The following DACH2 variants were observed in gnomAD, a reference collection of about 807,000 sequenced individuals.
DACH2 encodes the protein dachshund homolog 2.
A neutral mutation model predicts 35.8 loss-of-function variants in DACH2; 17 were observed. The observed-to-expected ratio is 0.48, with a 90% CI of 0.33 to 0.71. The LOEUF (loss-of-function observed/expected upper bound fraction) is 0.71, where lower values mean the gene tolerates loss of function less well. DACH2 is among the 30% of genes least tolerant of loss of function. DACH2 has a pLI of 0.02. For missense variants in DACH2, 469 were observed against 472.7 expected, an observed-to-expected ratio of 0.99 and a Z score of 0.07; for synonymous variants, 195 against 177.3, an observed-to-expected ratio of 1.10 and a Z score of -0.79.
intron 1 of DACH2, among the ~76,000 whole-genome samples, chrX:86,221,303 T>A (rs2032705449): frequency 8.9e-6 from 1 of 112,023 alleles, no homozygotes; most frequent in Admixed American, 9.5e-5. Flanking sequence ...CCAACATTAT[T>A]TGTTGAAGAG....
chrX:86,702,021 A>G (rs1227712607), intron 5 of DACH2, among the ~76,000 whole-genome samples: 1 of 111,761 alleles, frequency 8.9e-6, no homozygotes, highest in Non-Finnish European at 1.9e-5. Flanking sequence ...CCTAAAATAA[A>G]AGTTAAAAAA....
At chrX:86,495,226 T>A (rs887130794) in intron 2 of DACH2, among the ~76,000 whole-genome samples, 4 of 108,938 alleles carry the variant, frequency 3.7e-5, no homozygotes, top group African/African-American at 6.7e-5. Flanking sequence ...ATTTTTTTTT[T>A]ATTTTTATTT....
intron 3 of DACH2, among the ~76,000 whole-genome samples, chrX:86,546,150 G>C (rs2038952537): frequency 9.0e-6 from 1 of 111,487 alleles, no homozygotes; most frequent in Non-Finnish European, 1.9e-5. Flanking sequence ...GTCAATTAAT[G>C]TGGGAATAAT....
At chrX:86,389,935 T>C (rs781596100) in intron 2 of DACH2, among the ~76,000 whole-genome samples, 12 of 111,955 alleles carry the variant, frequency 1.1e-4, no homozygotes, top group Non-Finnish European at 1.9e-4. Context: ...TTTATGACAG[T>C]ATGTGGTTGT....
chrX:86,399,670 G>A (rs1393956442), intron 2 of DACH2, among the ~76,000 whole-genome samples: 2 of 111,481 alleles, frequency 1.8e-5, no homozygotes, highest in African/African-American at 6.5e-5. Flanking sequence ...GAAATTCTGG[G>A]TTGAAAATTC....
At chrX:86,413,586 C>T (rs2036651573) in intron 2 of DACH2, among the ~76,000 whole-genome samples, 1 of 111,867 alleles carries the variant, frequency 8.9e-6, no homozygotes, top group South Asian at 3.7e-4. Context: ...ATCACCACCC[C>T]TGTTTCTTTC....
chrX:86,281,891 C>A lies in DACH2; in HGVS notation c.489-94933C>A, dbSNP rs1251299291. Among the ~76,000 whole-genome samples the A allele has an allele frequency of 2.2e-4, 25 of 111,929 alleles. No homozygotes were observed. The Admixed American group carries it at 2.4e-3, about 11-fold the overall frequency. On this transcript the variant is annotated intron_variant, in intron 1 of 11. Coordinates refer to ENST00000373125, the MANE Select transcript of DACH2 (RefSeq NM_053281.3). The stretch of plus-strand genomic sequence containing the variant: ...CAGAGAACCAAATCATGAGTGAACT[C>A]CCATTCACAGTTGCTACAAAGATCA...
chrX:86,635,839 C>T (rs1207470146), intron 3 of DACH2, among the ~76,000 whole-genome samples: 1 of 111,233 alleles, frequency 9.0e-6, no homozygotes, highest in Non-Finnish European at 1.9e-5. Context: ...TGTAAGATCC[C>T]TGTAGGAAGA....
At chrX:86,453,608 C>T (rs1176166705) in intron 2 of DACH2, among the ~76,000 whole-genome samples, 1 of 111,548 alleles carries the variant, frequency 9.0e-6, no homozygotes. Context: ...GGTTTAAAGT[C>T]TGTTTTCTAA....
chrX:86,148,709 C>G lies in DACH2; in HGVS notation c.89C>G (p.Ser30Trp). The G allele has an allele frequency of 8.3e-7, 1 of 1,210,342 alleles. No homozygotes were observed. The highest frequency in any genetic ancestry group is 1.1e-6 in the Non-Finnish European group (1 of 894,923). The change falls in exon 1 of 12, where the codon TCG becomes TGG. Residue 30 changes from serine (S) to tryptophan (W), a missense_variant. Transcript: ENST00000373125. ...TTATTCCGGGCCGAACCCCTGTACT[C>G]GACTCCCAGAGAGCCCCCTCGTCTT... ...GGLFRAEPLY[S>W]TPREPPRLTP... is the part of the protein sequence containing the mutation.
At chrX:86,571,396 A>G (rs1032137826) in intron 3 of DACH2, among the ~76,000 whole-genome samples, 4 of 110,365 alleles carry the variant, frequency 3.6e-5, no homozygotes, top group Admixed American at 1.9e-4. Flanking sequence ...TGCTGCACCC[A>G]TTAACTTGTC....
Position 86,514,369 on chromosome X carries a change from G to A in DACH2, c.618G>A (p.Ser206=). The A allele has an allele frequency of 2.5e-6, 3 of 1,209,677 alleles. No homozygotes were observed. Among genetic ancestry groups the A allele is most frequent in the South Asian group, 1.8e-5 (1 of 56,552 alleles). Residue 206 remains serine, a synonymous_variant, in exon 3 of 12, where the codon TCG becomes TCA. Coordinates refer to ENST00000373125, the MANE Select transcript of DACH2 (RefSeq NM_053281.3). ...CCCATGCAGTCCCAGGCCTCTTATCGCCAGGACTTATCACTCCGACAGGTA... is the reference window on the plus strand; with the variant it reads ...CCCATGCAGTCCCAGGCCTCTTATCACCAGGACTTATCACTCCGACAGGTA... ...LLTHAVPGLL[S]PGLITPTGIT...
At chrX:86,586,456 G>C (rs1337537451) in intron 3 of DACH2, among the ~76,000 whole-genome samples, 1 of 111,677 alleles carries the variant, frequency 9.0e-6, no homozygotes. Context: ...TATTGCAATT[G>C]CTTTTGCCAT....
chrX:86,823,944 G>C (rs1048398139), intron 11 of DACH2, among the ~76,000 whole-genome samples: 1 of 111,863 alleles, frequency 8.9e-6, no homozygotes, highest in Non-Finnish European at 1.9e-5. Context: ...CTCCTGATAA[G>C]GGCCCAACAA....
rs777680912 is a variant in DACH2, at chrX:86,643,604, T to A, written c.641-7432T>A. On this transcript the variant is annotated intron_variant, in intron 3 of 11. Transcript: ENST00000373125. The stretch of plus-strand genomic sequence containing the variant: ...GAAGAGGAGGGACTCCTCCCCAACT[T>A]ATTCTAAGAGACCGTCATCATCCTG... Among the ~76,000 whole-genome samples, 7 of 111,117 alleles carry A rather than the reference T, an allele frequency of 6.3e-5. No homozygotes were observed. In the East Asian group the frequency reaches 1.7e-3, roughly 27 times the overall value.
At position 86,813,189 on chromosome X, in the gene DACH2, AAAG is replaced by A. The variant is rs771566935; in HGVS notation, c.1453_1455del (p.Lys485del). 3.3e-6 allele frequency: 4 copies of A among 1,208,082 alleles called. No homozygotes were observed. The Admixed American group carries it at 6.6e-5, about 20-fold the overall frequency. ...TCCAGGAGAAGCAGATTCAACAAGAAAAGAAGGAGCTGCGACTGGAGCTCTATA... is the reference window on the plus strand; with the variant it reads ...TCCAGGAGAAGCAGATTCAACAAGAAAAGGAGCTGCGACTGGAGCTCTATA... On this transcript the variant is annotated inframe_deletion, in exon 9 of 12. Transcript: ENST00000373125.
intron 3 of DACH2, among the ~76,000 whole-genome samples, chrX:86,629,377 G>T (rs1263062267): frequency 9.0e-6 from 1 of 111,027 alleles, no homozygotes; most frequent in Non-Finnish European, 1.9e-5. Context: ...CCTTAAAAAT[G>T]ATCTTGAAAC....
chrX:86,732,253 A>G (rs1008196703), intron 6 of DACH2, among the ~76,000 whole-genome samples: 1 of 112,083 alleles, frequency 8.9e-6, no homozygotes, highest in Non-Finnish European at 1.9e-5. Flanking sequence ...AAGGACAGCT[A>G]CTATTGACTT....
chrX:86,700,132 T>C (rs1453091094), intron 5 of DACH2, among the ~76,000 whole-genome samples: 3 of 111,485 alleles, frequency 2.7e-5, no homozygotes, highest in African/African-American at 9.8e-5. Context: ...AATTTTAGTA[T>C]GATTTCTTTT....
Sources: gnomAD v4.1 joint callset for allele counts (sites outside exome capture counted in the v4.1 genomes callset) on GRCh38, gnomAD v4.1.1 for gene constraint, MANE v1.5 for transcripts, NCBI Gene and HGNC (gene_info 2026-07-23, HGNC 2026-07-21) for gene names.